Variants in GRID2 observed in about 807,000 individuals in gnomAD.
GRID2 encodes glutamate ionotropic receptor delta type subunit 2.
GRID2 carries 33 observed loss-of-function variants against 114.8 expected under a neutral mutation model. The observed-to-expected ratio is 0.29, with a 90% CI of 0.22 to 0.38. GRID2 has a LOEUF of 0.38. Among genes scored for constraint, GRID2 ranks in the 10% least tolerant of loss-of-function variants. GRID2 has a pLI of 1.00. For synonymous variants in GRID2, 505 were observed against 449.9 expected (o/e 1.12, Z -1.55); for missense variants, 1,184 against 1,257.7 (o/e 0.94, Z 0.89).
At chr4:93,252,718 T>G (rs2149533939) in intron 8 of GRID2, among the ~76,000 whole-genome samples, 1 of 152,240 alleles carries the variant, frequency 6.6e-6, no homozygotes, top group Admixed American at 6.5e-5. Flanking sequence ...GTTTTTCCAT[T>G]TATTTGTGTC....
chr4:92,807,318 G>A (rs1259524654), intron 2 of GRID2, among the ~76,000 whole-genome samples: 2 of 151,624 alleles, frequency 1.3e-5, no homozygotes, highest in African/African-American at 4.8e-5. Flanking sequence ...ATTTTCAGAG[G>A]ACTCATAAAA....
intron 1 of GRID2, among the ~76,000 whole-genome samples, chr4:92,335,087 A>G (rs780306661): frequency 5.3e-5 from 8 of 152,220 alleles, no homozygotes; most frequent in Non-Finnish European, 7.3e-5. Context: ...GTTGACTACT[A>G]TATTGGAAAG....
At chr4:93,311,026 A>T (rs1392391187) in intron 8 of GRID2, among the ~76,000 whole-genome samples, 2 of 152,208 alleles carry the variant, frequency 1.3e-5, no homozygotes, top group African/African-American at 2.4e-5. Flanking sequence ...GAGGGTTAGT[A>T]TAAAATTTAG....
At position 93,490,759 on chromosome 4, in the gene GRID2, G is replaced by A. The variant is rs745635313; in HGVS notation, c.1979G>A (p.Arg660His). 42 of 1,604,754 alleles carry A rather than the reference G, an allele frequency of 2.6e-5. No homozygotes were observed. The highest frequency in any genetic ancestry group is 1.7e-4 in the Middle Eastern group (1 of 6,046). The change falls in exon 12 of 16, where the codon CGC becomes CAC. Residue 660 changes from arginine (R) to histidine (H), a missense_variant. Physicochemically the swap from Arg to His is conservative, Grantham distance 29. Around this residue, in one of 3 missense-constraint regions of GRID2, gnomAD observed 717 missense variants for 796.9 expected, o/e 0.90. Transcript: ENST00000282020. The stretch of plus-strand genomic sequence containing the variant: ...CTCGCTGCTTTCCTCACTATTACAC[G>A]CATTGAAAGTTCCATCCAGTAAGTA... ...ANLAAFLTIT[R>H]IESSIQSLQD...
chr4:93,236,315 G>C (rs1746790649), intron 7 of GRID2, among the ~76,000 whole-genome samples: 1 of 151,990 alleles, frequency 6.6e-6, no homozygotes. Flanking sequence ...GGGAACAAAG[G>C]AGAAAAAGGA....
intron 8 of GRID2, among the ~76,000 whole-genome samples, chr4:93,266,233 T>C (rs1026702022): frequency 2.6e-5 from 4 of 152,116 alleles, no homozygotes; most frequent in Non-Finnish European, 5.9e-5. Flanking sequence ...CTCATCAACA[T>C]TATAATAAAA....
chr4:93,746,228 G>A (rs1334651250), intron 14 of GRID2, among the ~76,000 whole-genome samples: 1 of 152,052 alleles, frequency 6.6e-6, no homozygotes, highest in East Asian at 1.9e-4. Flanking sequence ...AATAAGTGTT[G>A]TGTAACCATT....
intron 2 of GRID2, among the ~76,000 whole-genome samples, chr4:92,627,977 T>C (rs1367447074): frequency 6.6e-6 from 1 of 152,156 alleles, no homozygotes; most frequent in Non-Finnish European, 1.5e-5. Context: ...CATTATATAG[T>C]ATTGTATAGT....
intron 2 of GRID2, among the ~76,000 whole-genome samples, chr4:92,724,377 C>T (rs1330405551): frequency 6.6e-6 from 1 of 152,102 alleles, no homozygotes; most frequent in Non-Finnish European, 1.5e-5. Context: ...CCTGAATACG[C>T]CTAGGTTAGC....
chr4:93,520,724 G>C (rs942474325), intron 13 of GRID2, among the ~76,000 whole-genome samples: 1 of 152,090 alleles, frequency 6.6e-6, no homozygotes, highest in Admixed American at 6.6e-5. Context: ...TTGGTAAATG[G>C]AAGGCAGCTA....
At chr4:93,604,913 C>T (rs1740057716) in intron 13 of GRID2, among the ~76,000 whole-genome samples, 1 of 152,172 alleles carries the variant, frequency 6.6e-6, no homozygotes, top group Non-Finnish European at 1.5e-5. Flanking sequence ...TAGGCATAAC[C>T]TTTATATGTA....
intron 1 of GRID2, among the ~76,000 whole-genome samples, chr4:93,803,051 G>T (rs533060936): frequency 6.6e-6 from 1 of 152,338 alleles, no homozygotes; most frequent in Non-Finnish European, 1.5e-5. Flanking sequence ...CAGCAGTCTG[G>T]AATGAAAGGT....
intron 4 of GRID2, among the ~76,000 whole-genome samples, chr4:93,156,934 C>CTGAGG (rs779331201): frequency 6.6e-6 from 1 of 151,666 alleles, no homozygotes; most frequent in Non-Finnish European, 1.5e-5. Flanking sequence ...CAGTTCTGAG[C>CTGAGG]TGAGGTGAGG....
intron 14 of GRID2, among the ~76,000 whole-genome samples, chr4:93,665,698 CTG>C (rs1383236277): frequency 6.6e-6 from 1 of 152,130 alleles, no homozygotes; most frequent in East Asian, 1.9e-4. Flanking sequence ...ACCAAATTTT[CTG>C]TATCTTCTTA....
chr4:92,590,658 A>G (rs1416442054), intron 2 of GRID2, among the ~76,000 whole-genome samples: 1 of 152,138 alleles, frequency 6.6e-6, no homozygotes, highest in Non-Finnish European at 1.5e-5. Context: ...ACAACTTGGG[A>G]TGACATATCA....
chr4:92,541,318 G>GA (rs1018281099), intron 1 of GRID2, among the ~76,000 whole-genome samples: 319 of 143,556 alleles, frequency 2.2e-3, no homozygotes, highest in African/African-American at 7.2e-3. Flanking sequence ...TAAGAGTCAG[G>GA]AAAAAAAAAA....
At chr4:93,368,782 T>A (rs1163504421) in intron 8 of GRID2, among the ~76,000 whole-genome samples, 1 of 152,180 alleles carries the variant, frequency 6.6e-6, no homozygotes, top group African/African-American at 2.4e-5. Context: ...GGATTAGTCT[T>A]ACTATAAGTC....
intron 2 of GRID2, among the ~76,000 whole-genome samples, chr4:92,930,383 CTTG>C (rs886178517): frequency 2.0e-5 from 3 of 151,096 alleles, no homozygotes; most frequent in African/African-American, 7.3e-5. Context: ...AAAACATTTG[CTTG>C]TTCAATTTAT....
intron 2 of GRID2, among the ~76,000 whole-genome samples, chr4:92,746,367 G>C (rs1314804544): frequency 6.6e-6 from 1 of 152,052 alleles, no homozygotes; most frequent in African/African-American, 2.4e-5. Context: ...GATTTAGAAA[G>C]AAAATTTATA....
Sources: allele counts gnomAD v4.1 joint callset (sites outside exome capture counted in the v4.1 genomes callset), GRCh38; gene constraint gnomAD v4.1.1; regional missense constraint gnomAD v4.1.1; transcripts MANE v1.5; gene names NCBI Gene and HGNC (gene_info 2026-07-23, HGNC 2026-07-21).